The following SKIL variants were observed in gnomAD, a reference collection of about 807,000 sequenced individuals.
The protein encoded by SKIL is ski-like protein.
Under a neutral mutation model 69.6 loss-of-function variants are expected in SKIL, and 20 were observed. The observed-to-expected ratio is 0.29, with a 90% CI of 0.20 to 0.42. The LOEUF is 0.42. SKIL is among the 10% of genes least tolerant of loss of function. The pLI is 1.00. For missense variants in SKIL, 745 were observed against 783.1 expected, an observed-to-expected ratio of 0.95 and a Z score of 0.58; for synonymous variants, 310 against 279.9, an observed-to-expected ratio of 1.11 and a Z score of -1.08.
intron 2 of SKIL, among the ~76,000 whole-genome samples, chr3:170,363,375 T>G (rs564017933): frequency 6.3e-4 from 96 of 152,304 alleles, no homozygotes; most frequent in African/African-American, 2.1e-3. Flanking sequence ...GATAATAATT[T>G]TAGACTCATT....
intron 2 of SKIL, among the ~76,000 whole-genome samples, chr3:170,380,674 G>A (rs965887210): frequency 6.6e-6 from 1 of 151,908 alleles, no homozygotes; most frequent in African/African-American, 2.4e-5. Context: ...AAATAAAATA[G>A]ATTTCGTAAG....
chr3:170,391,712 T>G (rs1737932407), intron 6 of SKIL, among the ~76,000 whole-genome samples: 1 of 152,222 alleles, frequency 6.6e-6, no homozygotes, highest in Non-Finnish European at 1.5e-5. Context: ...CATAGCTTTA[T>G]GCTGTATTGT....
At chr3:170,384,312 G>GCAAACTAACAAACTAACAAAACTAA (rs1286794658) in intron 3 of SKIL, among the ~76,000 whole-genome samples, 1 of 152,030 alleles carries the variant, frequency 6.6e-6, no homozygotes, top group African/African-American at 2.4e-5. Flanking sequence ...TGGGTTACTT[G>GCAAACTAACAAACTAACAAAACTAA]CAAACTAACA....
chr3:170,362,450 C>T (rs556486172), intron 2 of SKIL, among the ~76,000 whole-genome samples: 5 of 152,184 alleles, frequency 3.3e-5, no homozygotes, highest in Admixed American at 1.3e-4. Flanking sequence ...TGTAGTGAGC[C>T]GAGATTGTGC....
At chr3:170,391,443 G>C (rs1453594492) in intron 6 of SKIL, among the ~76,000 whole-genome samples, 183 bp downstream of exon 6, 1 of 151,744 alleles carries the variant, frequency 6.6e-6, no homozygotes, top group Non-Finnish European at 1.5e-5. Context: ...TCAGCCTCCT[G>C]ATTGTAGCTG....
intron 2 of SKIL, among the ~76,000 whole-genome samples, chr3:170,371,438 C>G (rs748647363): frequency 1.3e-5 from 2 of 152,094 alleles, no homozygotes; most frequent in African/African-American, 4.8e-5. Context: ...ATCCAGGAAT[C>G]GGAGGTTGCA....
At chr3:170,369,303 G>T (rs1465238099) in intron 2 of SKIL, among the ~76,000 whole-genome samples, 3 of 152,178 alleles carry the variant, frequency 2.0e-5, no homozygotes, top group Non-Finnish European at 4.4e-5. Flanking sequence ...CGTGTTTTCA[G>T]AGTAGGCCTG....
chr3:170,390,328 C>G lies in SKIL; in HGVS notation c.1535C>G (p.Ala512Gly), dbSNP rs747975807. ...GTGGGAATTGGCCTTGTTGCTGCCG[C>G]TTCATCTCCGCTTCTTGTGAAAGAT... Reference protein sequence around the residue: ...NKVGIGLVAAASSPLLVKDVI... With the variant: ...NKVGIGLVAAGSSPLLVKDVI... The change falls in exon 5 of 7, where the codon GCT becomes GGT. Residue 512 changes from alanine to glycine, a missense_variant. Ala to Gly is a moderately conservative substitution (Grantham distance 60, BLOSUM62 0). Transcript: ENST00000259119. 1.9e-6 allele frequency: 3 copies of G among 1,613,904 alleles called. No individual in the cohort carries two copies. The highest frequency in any genetic ancestry group is 2.5e-6 in the Non-Finnish European group (3 of 1,179,996).
At chr3:170,368,187 G>C (rs983197296) in intron 2 of SKIL, among the ~76,000 whole-genome samples, 2 of 152,154 alleles carry the variant, frequency 1.3e-5, no homozygotes, top group African/African-American at 4.8e-5. Flanking sequence ...CTACCCCAGT[G>C]ATACAGATTA....
intron 3 of SKIL, among the ~76,000 whole-genome samples, chr3:170,382,364 T>G (rs184469112): frequency 6.6e-6 from 1 of 152,234 alleles, no homozygotes; most frequent in Admixed American, 6.5e-5. Context: ...ATTTCTTACT[T>G]TTCTTCAAGA....
chr3:170,390,197 T>G, intron 4 of SKIL, 26 bp from the exon 5 acceptor site: 3 of 1,550,362 alleles, frequency 1.9e-6, no homozygotes, highest in Non-Finnish European at 2.7e-6. Flanking sequence ...ATTCATACTT[T>G]GTTACTTGAT....
intron 2 of SKIL, among the ~76,000 whole-genome samples, chr3:170,370,454 CCG>C (rs1553852880): frequency 2.2e-5 from 1 of 44,948 alleles, no homozygotes; most frequent in African/African-American, 9.3e-5. Context: ...CCCCCCCCCC[CCG>C]AGCAGGAGTT....
chr3:170,380,070 G>T (rs1235013970), intron 2 of SKIL, among the ~76,000 whole-genome samples: 1 of 152,174 alleles, frequency 6.6e-6, no homozygotes, highest in East Asian at 1.9e-4. Flanking sequence ...TGTTCATTAA[G>T]TTACCAGTTA....
intron 2 of SKIL, among the ~76,000 whole-genome samples, chr3:170,364,268 A>C (rs534791182): frequency 6.8e-6 from 1 of 146,092 alleles, no homozygotes; most frequent in Non-Finnish European, 1.5e-5. Context: ...CTACTCTTAC[A>C]TGTCTGTTGG....
At chr3:170,385,647 G>A (rs191115427) in intron 4 of SKIL, among the ~76,000 whole-genome samples, 2 of 152,258 alleles carry the variant, frequency 1.3e-5, no homozygotes, top group Admixed American at 1.3e-4. Flanking sequence ...GATATTGCCT[G>A]TGTTACCATC....
intron 6 of SKIL, 31 bp from the exon 7 acceptor site, chr3:170,392,224 CAATT>C (rs762144829): frequency 1.9e-5 from 29 of 1,528,520 alleles, no homozygotes; most frequent in Non-Finnish European, 2.6e-5. Context: ...AAAAACAAAA[CAATT>C]AAAATTGATA....
chr3:170,381,034 A>G lies in SKIL; in HGVS notation c.1099-210A>G, dbSNP rs541388350. Among the ~76,000 whole-genome samples the G allele has an allele frequency of 8.6e-5, 12 of 138,984 alleles. No homozygotes were observed. In the East Asian group the frequency reaches 1.5e-3, roughly 17 times the overall value. 91.2% of individuals were successfully genotyped at this position (138,984 alleles called of 152,430 possible). On this transcript the variant is annotated intron_variant, in intron 2 of 6. Coordinates refer to ENST00000259119, the MANE Select transcript of SKIL (RefSeq NM_005414.5). ...TTTTTTAAAGAGACTGGGTCTTCCT[A>G]TGTTGCCCAGGCTGACTCCACGGCT...
rs1288948761 is a variant in SKIL at position 170,384,618 on chromosome 3, A to T, written c.1282A>T (p.Thr428Ser). Residue 428 changes from threonine (T) to serine (S), a missense_variant, in exon 4 of 7, where the codon ACA becomes TCA. By Grantham distance (58) the Thr-to-Ser change is moderately conservative (BLOSUM62 1). Transcript: ENST00000259119. ...AVSQSKELTKTEASKSISRQS... is the reference protein window; with the variant it reads ...AVSQSKELTKSEASKSISRQS... ...ATCCCAGTCTAAAGAGCTCACAAAG[A>T]CAGAGGCAAGTAAGTCCATATCAAG... The T allele has an allele frequency of 1.2e-6, 2 of 1,613,204 alleles. No individual in the cohort carries two copies. The highest frequency in any genetic ancestry group is 3.3e-5 in the Admixed American group (2 of 59,988).
At chr3:170,388,913 A>G (rs995598319) in intron 4 of SKIL, among the ~76,000 whole-genome samples, 1 of 151,514 alleles carries the variant, frequency 6.6e-6, no homozygotes, top group Non-Finnish European at 1.5e-5. Flanking sequence ...TCTGTTGCCC[A>G]GGCTGGAGTA....
Sources: allele counts gnomAD v4.1 joint callset (sites outside exome capture counted in the v4.1 genomes callset), GRCh38; gene constraint gnomAD v4.1.1; transcripts MANE v1.5; gene names NCBI Gene and HGNC (gene_info 2026-07-23, HGNC 2026-07-21).